NFIB: variants seen among roughly 807,000 people sequenced by gnomAD.
The protein encoded by NFIB is nuclear factor I B.
In NFIB, 11 loss-of-function variants were observed where a neutral mutation model predicts 61.5. The observed-to-expected ratio is 0.18, with a 90% CI of 0.11 to 0.30. NFIB has a LOEUF of 0.30. Among genes scored for constraint, NFIB ranks in the 10% least tolerant of loss-of-function variants. The pLI is 1.00. For missense variants in NFIB, 471 were observed against 608.9 expected, an observed-to-expected ratio of 0.77 and a Z score of 2.38; for synonymous variants, 260 against 216.5, an observed-to-expected ratio of 1.20 and a Z score of -1.76.
intron 3 of NFIB, among the ~76,000 whole-genome samples, chr9:14,161,462 T>C (rs1369329932): frequency 1.3e-5 from 2 of 151,902 alleles, no homozygotes; most frequent in Non-Finnish European, 2.9e-5. Flanking sequence ...AGCATTATAT[T>C]TTTTTCAATA....
At chr9:14,362,368 A>T (rs1785982722) in intron 1 of NFIB, 1 of 152,212 alleles carries the variant, frequency 6.6e-6, no homozygotes, top group African/African-American at 2.4e-5. Flanking sequence ...TTTTATGAAC[A>T]TCAAGAACTG....
the NFIB span, among the ~76,000 whole-genome samples, chr9:14,438,747 C>T: frequency 5.3e-5 from 8 of 152,094 alleles, no homozygotes; most frequent in African/African-American, 9.7e-5. Flanking sequence ...TTGGAAACCT[C>T]GTGAGCGGGG....
intron 2 of NFIB, among the ~76,000 whole-genome samples, chr9:14,212,547 A>G (rs2050420112): frequency 6.6e-6 from 1 of 152,186 alleles, no homozygotes; most frequent in South Asian, 2.1e-4. Context: ...AATTTCTAAT[A>G]AAATTGTCCA....
intron 10 of NFIB, among the ~76,000 whole-genome samples, chr9:14,102,191 T>G (rs866253787): frequency 2.6e-5 from 4 of 152,204 alleles, no homozygotes; most frequent in Middle Eastern, 3.4e-3. Context: ...TAGAAAACAT[T>G]TTATAGCATT....
chr9:14,455,812 T>A, the NFIB span, among the ~76,000 whole-genome samples: 1 of 152,068 alleles, frequency 6.6e-6, no homozygotes, highest in East Asian at 1.9e-4. Context: ...CTTGGAAAAA[T>A]TTTTTAAAAA....
the NFIB span, among the ~76,000 whole-genome samples, chr9:14,471,262 A>G: frequency 6.6e-6 from 1 of 152,240 alleles, no homozygotes; most frequent in East Asian, 1.9e-4. Flanking sequence ...TTACGCATGT[A>G]GGACATGAAG....
chr9:14,129,481 A>G (rs571083386), intron 6 of NFIB, among the ~76,000 whole-genome samples: 2 of 152,002 alleles, frequency 1.3e-5, no homozygotes, highest in South Asian at 4.2e-4. Context: ...AAAAGTAAAG[A>G]TAGAGTTTCT....
chr9:14,405,759 C>T, the NFIB span, among the ~76,000 whole-genome samples: 1 of 152,174 alleles, frequency 6.6e-6, no homozygotes, highest in Non-Finnish European at 1.5e-5. Context: ...AAGACTCAGC[C>T]TTGCAGCTAA....
At chr9:14,363,979 C>A (rs529152769) in intron 1 of NFIB, among the ~76,000 whole-genome samples, 2 of 152,220 alleles carry the variant, frequency 1.3e-5, no homozygotes, top group East Asian at 3.9e-4. Flanking sequence ...TGAGTTCTTT[C>A]CAGTTTTTCC....
the NFIB span, among the ~76,000 whole-genome samples, chr9:14,438,956 A>C: frequency 2.6e-5 from 4 of 152,038 alleles, no homozygotes; most frequent in Non-Finnish European, 5.9e-5. Context: ...ATTTTCTCTT[A>C]CCATCACATT....
chr9:14,507,626 T>C, the NFIB span, among the ~76,000 whole-genome samples: 15 of 152,216 alleles, frequency 9.9e-5, no homozygotes, highest in African/African-American at 3.4e-4. Context: ...CAAAAGACCA[T>C]TCTTGGTAAT....
chr9:14,328,373 T>A lies in NFIB; in HGVS notation c.109-20853A>T, dbSNP rs137860801. Reference sequence around the variant, plus strand: ...GTTGCCTAGTCTGGTCTCAAACTCCTGGGCTCAAGTGGTCTTCCTGCCTCA... The same window carrying A: ...GTTGCCTAGTCTGGTCTCAAACTCCAGGGCTCAAGTGGTCTTCCTGCCTCA... On this transcript the variant is annotated intron_variant, in intron 1 of 8. Coordinates refer to the NFIB transcript ENST00000380934. Among the ~76,000 whole-genome samples the A allele has an allele frequency of 2.0e-5, 3 of 152,274 alleles. No homozygotes were observed. In the East Asian group the frequency reaches 5.8e-4, roughly 29 times the overall value.
At chr9:14,228,617 A>G (rs1292404286) in intron 2 of NFIB, among the ~76,000 whole-genome samples, 1 of 152,220 alleles carries the variant, frequency 6.6e-6, no homozygotes. Context: ...GGCTATATTA[A>G]TTCCACATAA....
At chr9:14,420,952 A>AT in the NFIB span, among the ~76,000 whole-genome samples, 204 of 148,360 alleles carry the variant, frequency 1.4e-3, 1 homozygote, top group Middle Eastern at 3.5e-3. Flanking sequence ...AGAGTAAGCC[A>AT]TTTTTTTTTT....
intron 2 of NFIB, among the ~76,000 whole-genome samples, chr9:14,294,734 T>A (rs7863763): frequency 0.12 from 17,660 of 152,262 alleles, 2,735 homozygotes; most frequent in African/African-American, 0.36. Flanking sequence ...TATTAACTCC[T>A]GGCTAGAACC....
chr9:14,441,700 C>T, the NFIB span, among the ~76,000 whole-genome samples: 4 of 151,996 alleles, frequency 2.6e-5, no homozygotes, highest in African/African-American at 4.8e-5. Flanking sequence ...CAGGAGAGGG[C>T]CTCCTCCAGT....
At chr9:14,122,772 C>T (rs1250707439) in intron 7 of NFIB, among the ~76,000 whole-genome samples, 1 of 152,042 alleles carries the variant, frequency 6.6e-6, no homozygotes, top group African/African-American at 2.4e-5. Context: ...CTTAATAGTT[C>T]TGGAGGAGAT....
At chr9:14,150,802 TTAA>T (rs1458022676) in intron 4 of NFIB, among the ~76,000 whole-genome samples, 1 of 152,154 alleles carries the variant, frequency 6.6e-6, no homozygotes, top group Admixed American at 6.6e-5. Flanking sequence ...AATGTTGATA[TTAA>T]TGTTGATAAT....
intron 2 of NFIB, among the ~76,000 whole-genome samples, chr9:14,192,767 C>A (rs2048087799): frequency 6.6e-6 from 1 of 152,158 alleles, no homozygotes; most frequent in Non-Finnish European, 1.5e-5. Flanking sequence ...ATGCTAATGA[C>A]TGGGTGACCT....
Sources: gnomAD v4.1 joint callset for allele counts (sites outside exome capture counted in the v4.1 genomes callset) on GRCh38, gnomAD v4.1.1 for gene constraint, MANE v1.5 for transcripts, NCBI Gene and HGNC (gene_info 2026-07-23, HGNC 2026-07-21) for gene names.